The following STAU2 variants were observed in gnomAD, a reference collection of about 807,000 sequenced individuals.
STAU2 encodes the protein double-stranded RNA-binding protein Staufen homolog 2.
A neutral mutation model predicts 65.9 loss-of-function variants in STAU2; 20 were observed. The observed-to-expected ratio is 0.30, with a 90% CI of 0.21 to 0.44. STAU2 has a LOEUF of 0.44. Among genes scored for constraint, STAU2 ranks in the 20% least tolerant of loss-of-function variants. The pLI is 1.00. For missense variants in STAU2, 558 were observed against 683.9 expected (o/e 0.82, Z 2.05); for synonymous variants, 232 against 233.9 (o/e 0.99, Z 0.07).
chr8:73,575,859 C>T (rs1269310269), intron 12 of STAU2, among the ~76,000 whole-genome samples: 1 of 151,860 alleles, frequency 6.6e-6, no homozygotes, highest in Admixed American at 6.6e-5. Context: ...GTCAGGGTGG[C>T]CACTGCACTA....
intron 13 of STAU2, chr8:73,511,159 G>C (rs1822378096): frequency 6.5e-6 from 1 of 152,684 alleles, no homozygotes; most frequent in Non-Finnish European, 1.5e-5. Flanking sequence ...ATCTGAAAAA[G>C]TGAGGAAACT....
intron 13 of STAU2, among the ~76,000 whole-genome samples, chr8:73,476,734 G>T (rs60717542): frequency 6.6e-6 from 1 of 152,156 alleles, no homozygotes; most frequent in South Asian, 2.1e-4. Flanking sequence ...AGATCACTGG[G>T]GGGTGTAGAT....
At chr8:73,448,072 G>A (rs565443051) in intron 13 of STAU2, among the ~76,000 whole-genome samples, 2 of 152,068 alleles carry the variant, frequency 1.3e-5, no homozygotes, top group African/African-American at 2.4e-5. Context: ...GGACTAACCC[G>A]GGTGCAAAGT....
chr8:73,597,761 G>C (rs1384659004), intron 10 of STAU2, among the ~76,000 whole-genome samples: 1 of 147,444 alleles, frequency 6.8e-6, no homozygotes, highest in Admixed American at 6.8e-5. Context: ...AAAATTCCTA[G>C]ACAATACAGA....
chr8:73,510,381 T>A (rs1337938867), intron 13 of STAU2, among the ~76,000 whole-genome samples: 1 of 152,226 alleles, frequency 6.6e-6, no homozygotes, highest in Non-Finnish European at 1.5e-5. Context: ...GAAAGTATAT[T>A]TCTTTACAGT....
chr8:73,479,391 C>A (rs1820487950), intron 13 of STAU2, among the ~76,000 whole-genome samples: 1 of 151,468 alleles, frequency 6.6e-6, no homozygotes, highest in South Asian at 2.1e-4. Context: ...TCCCAAGGAA[C>A]CTTCCCTTCA....
At chr8:73,608,433 C>T (rs1251534716) in intron 9 of STAU2, among the ~76,000 whole-genome samples, 2 of 151,558 alleles carry the variant, frequency 1.3e-5, no homozygotes, top group Admixed American at 1.3e-4. Flanking sequence ...ATGGTGAAAG[C>T]CCGTCTCTAC....
At chr8:73,646,145 T>C (rs998744019) in intron 6 of STAU2, among the ~76,000 whole-genome samples, 1 of 152,164 alleles carries the variant, frequency 6.6e-6, no homozygotes, top group African/African-American at 2.4e-5. Context: ...AGCAAGTTTA[T>C]AGGACACAAG....
chr8:73,654,659 A>C (rs1435221282), intron 6 of STAU2, among the ~76,000 whole-genome samples: 1 of 141,830 alleles, frequency 7.1e-6, no homozygotes, highest in Non-Finnish European at 1.5e-5. Flanking sequence ...AAAAAAAAAA[A>C]AAGAACTCTT....
At chr8:73,597,503 AT>A (rs60419246) in intron 10 of STAU2, among the ~76,000 whole-genome samples, 19,001 of 143,776 alleles carry the variant, frequency 0.13, 1,320 homozygotes, top group Middle Eastern at 0.15. Flanking sequence ...AAATACAAAA[AT>A]AAAAAAAAAA....
At chr8:73,662,825 A>G (rs2130336091) in intron 6 of STAU2, among the ~76,000 whole-genome samples, 1 of 152,276 alleles carries the variant, frequency 6.6e-6, no homozygotes, top group Non-Finnish European at 1.5e-5. Context: ...CATGTTGGTC[A>G]GGCTGGTCTC....
intron 12 of STAU2, among the ~76,000 whole-genome samples, chr8:73,569,307 C>A (rs973911572): frequency 6.6e-6 from 1 of 152,098 alleles, no homozygotes. Context: ...ACAAAGCAGC[C>A]GGGAAGCTCG....
rs543808020 is a variant in STAU2, at chr8:73,455,072, G to A, written c.1531-32370C>T. Among the ~76,000 whole-genome samples the A allele has an allele frequency of 3.9e-5, 6 of 152,066 alleles. No homozygotes were observed. The South Asian group carries it at 6.2e-4, about 16-fold the overall frequency. The stretch of plus-strand genomic sequence containing the variant: ...CCAGTTCATCCTACTCAGTGTTTGC[G>A]GCATGACCCTAGAATTCTACCATGT... On this transcript the variant is annotated intron_variant, in intron 13 of 14. Coordinates refer to ENST00000524300, the MANE Select transcript of STAU2 (RefSeq NM_001164380.2).
At chr8:73,587,316 G>A (rs1220388407) in intron 11 of STAU2, among the ~76,000 whole-genome samples, 2 of 152,164 alleles carry the variant, frequency 1.3e-5, no homozygotes, top group African/African-American at 4.8e-5. Context: ...ATCCTTCACA[G>A]GGAAGGCCCT....
chr8:73,450,992 G>A (rs1818771444), intron 13 of STAU2, among the ~76,000 whole-genome samples: 2 of 152,170 alleles, frequency 1.3e-5, no homozygotes, highest in African/African-American at 4.8e-5. Context: ...TGAGGATGTG[G>A]AGACCAGGCC....
intron 3 of STAU2, among the ~76,000 whole-genome samples, chr8:73,716,425 T>C (rs1343105366): frequency 1.3e-5 from 2 of 152,140 alleles, no homozygotes; most frequent in African/African-American, 4.8e-5. Context: ...AGTGCCACCA[T>C]GGTCCTGAAA....
intron 13 of STAU2, among the ~76,000 whole-genome samples, chr8:73,515,890 T>C (rs1287850595): frequency 6.7e-6 from 1 of 150,240 alleles, no homozygotes; most frequent in African/African-American, 2.5e-5. Flanking sequence ...ATCAGTCTTT[T>C]AGAGTAAGAC....
intron 9 of STAU2, among the ~76,000 whole-genome samples, chr8:73,613,122 A>G (rs1233325380): frequency 2.0e-5 from 3 of 152,222 alleles, no homozygotes; most frequent in Non-Finnish European, 4.4e-5. Context: ...CATCTACTTC[A>G]TATGGTTGCT....
intron 13 of STAU2, among the ~76,000 whole-genome samples, chr8:73,427,683 G>A (rs555891536): frequency 7.2e-5 from 11 of 152,350 alleles, no homozygotes; most frequent in Middle Eastern, 3.4e-3. Flanking sequence ...TCACACATGC[G>A]CGTGGGGCGC....
Sources: allele counts gnomAD v4.1 joint callset (sites outside exome capture counted in the v4.1 genomes callset), GRCh38; gene constraint gnomAD v4.1.1; transcripts MANE v1.5; gene names NCBI Gene and HGNC (gene_info 2026-07-23, HGNC 2026-07-21).